Variants in ZKSCAN8 observed in about 807,000 individuals in gnomAD.
ZKSCAN8 encodes zinc finger with KRAB and SCAN domains 8, also known as zinc finger protein with KRAB and SCAN domains 8.
ZKSCAN8 carries 27 observed loss-of-function variants against 57.2 expected under a neutral mutation model. The ratio of observed to expected loss-of-function variants is 0.47; its 90% CI spans 0.35 to 0.65. The LOEUF is 0.65. Ranked by LOEUF, ZKSCAN8 falls within the 30% of genes least tolerant of loss-of-function variation. The pLI, the probability that ZKSCAN8 is intolerant of heterozygous loss-of-function variation, is 0.01. For missense variants in ZKSCAN8, 597 were observed against 696.3 expected (o/e 0.86, Z 1.60); for synonymous variants, 214 against 248.7 (o/e 0.86, Z 1.31).
chr6:28,149,665 C>G (rs2622322), intron 3 of ZKSCAN8, 41 bp downstream of exon 3: 680,598 of 1,605,454 alleles, frequency 0.42, 155,897 homozygotes, highest in African/African-American at 0.88. Flanking sequence ...GGGGGAAGTA[C>G]AAATAAAAGT....
chr6:28,152,469 A>G, intron 5 of ZKSCAN8, 85 bp downstream of exon 5: 1 of 1,472,558 alleles, frequency 6.8e-7, no homozygotes, highest in Non-Finnish European at 9.0e-7. Context: ...GCCTTTCTGA[A>G]AGACATAGTT....
rs1185030731 is a variant in ZKSCAN8, at chr6:28,153,432, C to A, written c.1152C>A (p.Gly384=). 1 of 1,614,040 alleles carries A rather than the reference C, an allele frequency of 6.2e-7. No homozygotes were observed. The highest frequency in any genetic ancestry group is 8.5e-7 in the Non-Finnish European group (1 of 1,180,000). ...KVKRYHCKEC[G]KAFSQNTGLI... ...AACGCTATCACTGTAAGGAGTGTGG[C>A]AAAGCCTTCAGTCAGAACACAGGCC... Residue 384 remains glycine, a synonymous_variant, in exon 6 of 6, where the codon GGC becomes GGA. Transcript: ENST00000330236.
At chr6:28,151,409 G>A (rs979819323) in intron 3 of ZKSCAN8, among the ~76,000 whole-genome samples, 2 of 152,018 alleles carry the variant, frequency 1.3e-5, no homozygotes, top group South Asian at 2.1e-4. Context: ...ATAATAAGCC[G>A]TTTAATATCT....
rs1457343124 is a variant in ZKSCAN8, at chr6:28,158,041, T to A, written c.*4024T>A. On this transcript the variant is annotated 3_prime_UTR_variant, in exon 6 of 6. Transcript: ENST00000330236. Reference sequence around the variant, plus strand: ...TCATTAATCTGTTCTTAAAACTTCTTTTTACTGGCTTTCATACTTAGCATT... The same window carrying A: ...TCATTAATCTGTTCTTAAAACTTCTATTTACTGGCTTTCATACTTAGCATT... 6.6e-6 allele frequency: 1 copy of A among 152,226 alleles called. No homozygotes were observed. Among genetic ancestry groups the A allele is most frequent in the African/African-American group, 2.4e-5 (1 of 41,468 alleles). 9.4% of individuals were successfully genotyped at this position (152,226 alleles called of 1,614,324 possible).
At chr6:28,145,011 C>T (rs886562107) in intron 1 of ZKSCAN8, among the ~76,000 whole-genome samples, 4 of 152,088 alleles carry the variant, frequency 2.6e-5, no homozygotes, top group East Asian at 1.9e-4. Flanking sequence ...GAGCCGAGTT[C>T]GCGCCACTGC....
intron 2 of ZKSCAN8, 121 bp from the exon 3 acceptor site, chr6:28,149,362 G>A (rs1765514836): frequency 1.5e-6 from 2 of 1,294,160 alleles, no homozygotes; most frequent in Non-Finnish European, 2.1e-6. Context: ...AAGAAGTGAG[G>A]AAGATTCTGC....
At chr6:28,151,150 G>A (rs1009667764) in intron 3 of ZKSCAN8, among the ~76,000 whole-genome samples, 1 of 152,076 alleles carries the variant, frequency 6.6e-6, no homozygotes, top group Non-Finnish European at 1.5e-5. Context: ...GCCATAGAAG[G>A]CCCCTTCAGT....
In ZKSCAN8 at chr6:28,141,953, A is replaced by C. The variant is rs1195713404; in HGVS notation, c.-169A>C. On this transcript the variant is annotated 5_prime_UTR_variant, in exon 1 of 6. Transcript: ENST00000330236. ...TCCGAGTACAGCTTTCATCGCCTTT[A>C]CTCCCCGACCTTCCTTCGAGTCTGT... 1 of 152,120 alleles carries C rather than the reference A, an allele frequency of 6.6e-6. No homozygotes were observed. The highest frequency in any genetic ancestry group is 2.4e-5 in the African/African-American group (1 of 41,350). 9.4% of individuals were successfully genotyped at this position (152,120 alleles called of 1,614,324 possible). A position where few individuals can be genotyped will look rare whatever the true frequency, so the allele number is the denominator to read the frequency against.
Position 28,153,922 on chromosome 6 carries a change from T to C in ZKSCAN8, c.1642T>C (p.Cys548Arg). ...TCACACAGGGGAGAAGCCCTACCAATGTAATGAGTGTGGGAAAGCCTTTAT... is the reference window on the plus strand; with the variant it reads ...TCACACAGGGGAGAAGCCCTACCAACGTAATGAGTGTGGGAAAGCCTTTAT... ...RIHTGEKPYQCNECGKAFIQR... is the reference protein window; with the variant it reads ...RIHTGEKPYQRNECGKAFIQR... The change falls in exon 6 of 6, where the codon TGT becomes CGT. Residue 548 changes from cysteine (C) to arginine (R), a missense_variant. Coordinates refer to ENST00000330236, the MANE Select transcript of ZKSCAN8 (RefSeq NM_006298.4). The C allele has an allele frequency of 1.2e-6, 2 of 1,614,224 alleles. No homozygotes were observed. The highest frequency in any genetic ancestry group is 2.2e-5 in the East Asian group (1 of 44,888).
intron 2 of ZKSCAN8, among the ~76,000 whole-genome samples, chr6:28,149,046 T>TG (rs1466488561): frequency 6.6e-6 from 1 of 152,232 alleles, no homozygotes; most frequent in Non-Finnish European, 1.5e-5. Flanking sequence ...GACTGTATTG[T>TG]TCTTGTTTGC....
rs187529552 is a variant in ZKSCAN8 at position 28,154,550 on chromosome 6, G to A, written c.*533G>A. ...ACACTTAAAGTATTTATGCTTAAGT[G>A]TGCATTTTTTTATTCTAATATTCCT... is the stretch of plus-strand genomic sequence containing the variant. On this transcript the variant is annotated 3_prime_UTR_variant, in exon 6 of 6. Transcript: ENST00000330236. 1 of 152,548 alleles carries A rather than the reference G, an allele frequency of 6.6e-6. No individual in the cohort carries two copies. Among genetic ancestry groups the A allele is most frequent in the East Asian group, 1.9e-4 (1 of 5,190 alleles). The allele number at this position is 152,548 out of a possible 1,614,324, so 9.4% of individuals were successfully genotyped here.
chr6:28,153,292 G>T lies in ZKSCAN8; in HGVS notation c.1012G>T (p.Val338Phe). Reference sequence around the variant, plus strand: ...AAGCTTTGCTCAGAGCTCAGGCCTTGTTCGCCACTGGAGAATCCACACTGG... The same window carrying T: ...AAGCTTTGCTCAGAGCTCAGGCCTTTTTCGCCACTGGAGAATCCACACTGG... ...GKSFAQSSGL[V>F]RHWRIHTGEK... The change falls in exon 6 of 6, where the codon GTT becomes TTT. Residue 338 changes from valine to phenylalanine, a missense_variant. By Grantham distance (50) the Val-to-Phe change is conservative (BLOSUM62 -1). Transcript: ENST00000330236. 6.2e-7 allele frequency: 1 copy of T among 1,614,186 alleles called. No individual in the cohort carries two copies. Among genetic ancestry groups the T allele is most frequent in the Non-Finnish European group, 8.5e-7 (1 of 1,180,038 alleles).
chr6:28,152,059 C>G (rs1051555340), intron 4 of ZKSCAN8, 123 bp downstream of exon 4: 3 of 1,388,328 alleles, frequency 2.2e-6, no homozygotes, highest in African/African-American at 2.9e-5. Flanking sequence ...CCCAAAAATT[C>G]TTTTGCCTAG....
intron 5 of ZKSCAN8, 96 bp downstream of exon 5, chr6:28,152,480 A>G: frequency 1.4e-6 from 2 of 1,448,880 alleles, no homozygotes; most frequent in Non-Finnish European, 1.8e-6. Flanking sequence ...AGACATAGTT[A>G]AGTTTAACTC....
In ZKSCAN8 at chr6:28,155,237, A is replaced by G. The variant is rs887513971; in HGVS notation, c.*1220A>G. The stretch of plus-strand genomic sequence containing the variant: ...TGCACTCCATCTGTAATCCATGTCT[A>G]TAATCTACCAACAAAGATGTACTCT... On this transcript the variant is annotated 3_prime_UTR_variant, in exon 6 of 6. Transcript: ENST00000330236. 7.9e-5 allele frequency: 12 copies of G among 152,304 alleles called. No homozygotes were observed. The highest frequency in any genetic ancestry group is 1.5e-4 in the Non-Finnish European group (10 of 68,032). 9.4% of individuals were successfully genotyped at this position (152,304 alleles called of 1,614,324 possible). A position where few individuals can be genotyped will look rare whatever the true frequency, so the allele number is the denominator to read the frequency against.
In ZKSCAN8 at chr6:28,149,624, G is replaced by A; in HGVS notation, c.559G>A (p.Ala187Thr). The change falls in exon 3 of 6, where the codon GCC (alanine) becomes ACC (threonine). Residue 187 changes from alanine (A) to threonine (T), a missense_variant and splice_region_variant. Coordinates refer to ENST00000330236, the MANE Select transcript of ZKSCAN8 (RefSeq NM_006298.4). The stretch of plus-strand genomic sequence containing the variant: ...AGTGCCCCAAGAGTCACAAGAGAGA[G>A]GTGAGTAGCCAGATTTCATTGATGA... ...SPVPQESQER[A>T]MSTSQSPTRS... The A allele has an allele frequency of 6.2e-7, 1 of 1,613,654 alleles. No homozygotes were observed. The highest frequency in any genetic ancestry group is 8.5e-7 in the Non-Finnish European group (1 of 1,179,854).
rs1470360440 is a variant in ZKSCAN8, at chr6:28,144,545, C to T, written c.-93+2516C>T. On this transcript the variant is annotated intron_variant, in intron 1 of 5. Coordinates refer to ENST00000330236, the MANE Select transcript of ZKSCAN8 (RefSeq NM_006298.4). This position sits in a 1 kb window ranked among gnomAD's most constrained non-coding sequence, Gnocchi z 4.5. ...ACTGGTTTAGGGTATGCTACCTTTA[C>T]TTACACTCTTCTTCATTCTCTACAG... The T allele has an allele frequency of 6.6e-6, 1 of 152,162 alleles. No homozygotes were observed. The highest frequency in any genetic ancestry group is 1.5e-5 in the Non-Finnish European group (1 of 68,026). 9.4% of individuals were successfully genotyped at this position (152,162 alleles called of 1,614,324 possible).
Position 28,153,845 on chromosome 6 carries a change from A to T in ZKSCAN8, c.1565A>T (p.Glu522Val), listed in dbSNP as rs374171305. Reference protein sequence around the residue: ...HTGERPYKCKECGKAFNGNTG... With the variant: ...HTGERPYKCKVCGKAFNGNTG... ...GGAGAAAGACCCTATAAATGTAAAGAATGTGGGAAAGCTTTCAATGGGAAC... is the reference window on the plus strand; with the variant it reads ...GGAGAAAGACCCTATAAATGTAAAGTATGTGGGAAAGCTTTCAATGGGAAC... Residue 522 changes from glutamate to valine, a missense_variant, in exon 6 of 6, where the codon GAA (glutamate) becomes GTA (valine). By Grantham distance (121) the Glu-to-Val change is moderately radical. Coordinates refer to ENST00000330236, the MANE Select transcript of ZKSCAN8 (RefSeq NM_006298.4). The T allele has an allele frequency of 3.7e-6, 6 of 1,614,162 alleles. No homozygotes were observed. Among genetic ancestry groups the T allele is most frequent in the South Asian group, 2.2e-5 (2 of 91,080 alleles).
At position 28,153,648 on chromosome 6, in the gene ZKSCAN8, C is replaced by T. The variant is rs140932411; in HGVS notation, c.1368C>T (p.His456=). The stretch of plus-strand genomic sequence containing the variant: ...ACCTCATTGGACATCAGAGAATCCA[C>T]ACTGGGGAGAAGCCCTATGAGTGTG... The part of the protein sequence containing the change: ...SSHLIGHQRI[H]TGEKPYECDE... The change falls in exon 6 of 6, where the codon CAC becomes CAT. Residue 456 remains histidine, a synonymous_variant. Transcript: ENST00000330236. 1 of 1,613,962 alleles carries T rather than the reference C, an allele frequency of 6.2e-7. No individual in the cohort carries two copies. Among genetic ancestry groups the T allele is most frequent in the African/African-American group, 1.3e-5 (1 of 74,888 alleles).
Sources: gnomAD v4.1 joint callset for allele counts (sites outside exome capture counted in the v4.1 genomes callset) on GRCh38, gnomAD v4.1.1 for gene constraint, Gnocchi (gnomAD v3.1) non-coding constraint, MANE v1.5 for transcripts, NCBI Gene and HGNC (gene_info 2026-07-23, HGNC 2026-07-21) for gene names.